Variants in GBE1 observed in about 807,000 individuals in gnomAD.
GBE1 encodes 1,4-alpha-glucan-branching enzyme.
In GBE1, 70 loss-of-function variants were observed where a neutral mutation model predicts 88.8. The ratio of observed to expected loss-of-function variants is 0.79; its 90% CI spans 0.65 to 0.96. The LOEUF is 0.96. Ranked by LOEUF, GBE1 falls within the 40% of genes least tolerant of loss-of-function variation. The probability of loss-of-function intolerance (pLI) is 0.00; values close to 1 mark genes in which losing one functional copy is unlikely to be tolerated. For synonymous variants in GBE1, 284 were observed against 300.1 expected, an observed-to-expected ratio of 0.95 and a Z score of 0.56; for missense variants, 872 against 871.0, an observed-to-expected ratio of 1.00 and a Z score of -0.01.
intron 14 of GBE1, among the ~76,000 whole-genome samples, chr3:81,511,616 C>T (rs766373347): frequency 4.6e-5 from 7 of 151,632 alleles, no homozygotes; most frequent in Non-Finnish European, 8.8e-5. Flanking sequence ...GAGAAATGCA[C>T]GTCAAAACCA....
chr3:81,496,887 T>C (rs918953268), intron 15 of GBE1, among the ~76,000 whole-genome samples: 2 of 152,206 alleles, frequency 1.3e-5, no homozygotes, highest in Admixed American at 6.5e-5. Context: ...TGAAGCACTG[T>C]AGTCATCCAA....
intron 7 of GBE1, among the ~76,000 whole-genome samples, chr3:81,631,945 C>A (rs1290991438): frequency 6.6e-6 from 1 of 152,050 alleles, no homozygotes; most frequent in African/African-American, 2.4e-5. Context: ...TCTCCAAATG[C>A]TATCCCTCCC....
chr3:81,548,785 G>C (rs1467881349), intron 12 of GBE1, among the ~76,000 whole-genome samples: 1 of 150,690 alleles, frequency 6.6e-6, no homozygotes, highest in Non-Finnish European at 1.5e-5. Flanking sequence ...AAATGTTTAT[G>C]ACTATCAAGC....
chr3:81,601,212 T>C (rs956441550), intron 7 of GBE1, among the ~76,000 whole-genome samples: 2 of 152,110 alleles, frequency 1.3e-5, no homozygotes, highest in Admixed American at 1.3e-4. Flanking sequence ...ACTCCACCTG[T>C]TACACAGCCT....
At chr3:81,518,086 G>C (rs190643471) in intron 14 of GBE1, among the ~76,000 whole-genome samples, 1 of 151,274 alleles carries the variant, frequency 6.6e-6, no homozygotes, top group Admixed American at 6.6e-5. Flanking sequence ...GGGCACAAAT[G>C]TTCCTCCCCC....
rs1703059915 is a variant in GBE1, at chr3:81,535,266, A to C, written c.1863T>G (p.Leu621=). The C allele has an allele frequency of 6.2e-7, 1 of 1,611,598 alleles. No homozygotes were observed. The highest frequency in any genetic ancestry group is 8.5e-7 in the Non-Finnish European group (1 of 1,178,730). Residue 621 remains leucine (L), a synonymous_variant, in exon 14 of 16, where the codon CTT becomes CTG. Transcript: ENST00000429644. ...TTGGATGGAAGTTGAAAATGAAAAGAAGACCTGCTCTTTCAAAAGCAATGA... is the reference window on the plus strand; with the variant it reads ...TTGGATGGAAGTTGAAAATGAAAAGCAGACCTGCTCTTTCAAAAGCAATGA... ...NKIIAFERAG[L]LFIFNFHPSK... is the part of the protein sequence containing the mutation.
At chr3:81,545,018 A>G (rs576915607) in intron 12 of GBE1, among the ~76,000 whole-genome samples, 4 of 152,290 alleles carry the variant, frequency 2.6e-5, no homozygotes, top group African/African-American at 9.6e-5. Flanking sequence ...TTACATGTAT[A>G]TAAAAATAAT....
At chr3:81,586,790 A>AT (rs11320816) in intron 9 of GBE1, among the ~76,000 whole-genome samples, 5,286 of 146,842 alleles carry the variant, frequency 0.036, 120 homozygotes, top group Middle Eastern at 0.073. Context: ...AAGATAGAGA[A>AT]TTTTTTTTTT....
At chr3:81,531,184 G>A (rs567000236) in intron 14 of GBE1, among the ~76,000 whole-genome samples, 1 of 151,980 alleles carries the variant, frequency 6.6e-6, no homozygotes, top group East Asian at 2.0e-4. Context: ...GTCAGCAGTT[G>A]GTGAATCGTG....
intron 9 of GBE1, among the ~76,000 whole-genome samples, chr3:81,586,978 G>A (rs1703811477): frequency 6.6e-6 from 1 of 151,974 alleles, no homozygotes; most frequent in African/African-American, 2.4e-5. Context: ...TTTTGATAGA[G>A]ATGGGGTTTC....
intron 14 of GBE1, among the ~76,000 whole-genome samples, chr3:81,521,732 G>A (rs1702876894): frequency 1.3e-5 from 2 of 151,438 alleles, no homozygotes; most frequent in African/African-American, 2.4e-5. Flanking sequence ...TTTCTAATAG[G>A]TTAGAGGGTC....
chr3:81,508,315 A>AAGAAAAAT (rs1375233164), intron 14 of GBE1, among the ~76,000 whole-genome samples: 2 of 152,168 alleles, frequency 1.3e-5, no homozygotes, highest in African/African-American at 4.8e-5. Flanking sequence ...TTTGAGAAGG[A>AAGAAAAAT]AGAAAAATAG....
intron 10 of GBE1, among the ~76,000 whole-genome samples, chr3:81,582,701 A>T (rs115924019): frequency 0.016 from 2,410 of 152,242 alleles, 26 homozygotes; most frequent in Non-Finnish European, 0.026. Flanking sequence ...AAAGAGAACG[A>T]TAAAGAACCT....
intron 7 of GBE1, among the ~76,000 whole-genome samples, chr3:81,615,649 A>ATGGAT (rs1704239785): frequency 6.6e-6 from 1 of 152,168 alleles, no homozygotes. Context: ...ACTCCATGAT[A>ATGGAT]TGGATGTACT....
chr3:81,741,860 TATATATA>T (rs935769900), intron 1 of GBE1, among the ~76,000 whole-genome samples: 39 of 147,720 alleles, frequency 2.6e-4, no homozygotes, highest in East Asian at 9.7e-4. Flanking sequence ...TATAGTTTTT[TATATATA>T]ATATATAATA....
chr3:81,740,176 G>C (rs1199586197), intron 1 of GBE1, among the ~76,000 whole-genome samples: 1 of 152,142 alleles, frequency 6.6e-6, no homozygotes, highest in African/African-American at 2.4e-5. Flanking sequence ...AATGAGCTAT[G>C]ATCTTGCCAC....
intron 9 of GBE1, 107 bp from the exon 10 acceptor site, chr3:81,586,297 G>A (rs1412154256): frequency 1.4e-6 from 1 of 697,362 alleles, no homozygotes; most frequent in African/African-American, 1.9e-5. Flanking sequence ...ATATTTTTGG[G>A]CTGCTTTGGT....
Position 81,528,689 on chromosome 3 carries a change from T to G in GBE1, c.1934+6506A>C, listed in dbSNP as rs547421423. On this transcript the variant is annotated intron_variant, in intron 14 of 15. Coordinates refer to ENST00000429644, the MANE Select transcript of GBE1 (RefSeq NM_000158.4). The stretch of plus-strand genomic sequence containing the variant: ...GTGGGGTGCATATCTAGTTGTTATA[T>G]TCTCTTGTTGAATTGACCCTTTGTC... Among the ~76,000 whole-genome samples the G allele has an allele frequency of 7.2e-5, 11 of 152,192 alleles. No homozygotes were observed. The East Asian group carries it at 2.1e-3, about 30-fold the overall frequency.
At chr3:81,580,022 T>C (rs2106936655) in intron 11 of GBE1, among the ~76,000 whole-genome samples, 1 of 152,252 alleles carries the variant, frequency 6.6e-6, no homozygotes, top group East Asian at 1.9e-4. Flanking sequence ...CCTGCTTTAC[T>C]TACATTTTCT....
Sources: allele counts gnomAD v4.1 joint callset (sites outside exome capture counted in the v4.1 genomes callset), GRCh38; gene constraint gnomAD v4.1.1; transcripts MANE v1.5; gene names NCBI Gene and HGNC (gene_info 2026-07-23, HGNC 2026-07-21).